ANKFN1: variants seen among roughly 807,000 people sequenced by gnomAD.
ANKFN1 encodes ankyrin repeat and fibronectin type III domain containing 1, also known as ankyrin repeat and fibronectin type-III domain-containing protein 1.
In ANKFN1, 74 loss-of-function variants were observed where a neutral mutation model predicts 108.7. The ratio of observed to expected loss-of-function variants is 0.68; its 90% CI spans 0.56 to 0.83. The LOEUF is 0.83. ANKFN1 is among the 40% of genes least tolerant of loss of function. The probability of loss-of-function intolerance (pLI) is 0.00; values close to 1 mark genes in which losing one functional copy is unlikely to be tolerated. For missense variants in ANKFN1, 1,505 were observed against 1,382.3 expected, an observed-to-expected ratio of 1.09 and a Z score of -1.41; for synonymous variants, 547 against 516.2, an observed-to-expected ratio of 1.06 and a Z score of -0.81.
intron 8 of ANKFN1, among the ~76,000 whole-genome samples, chr17:56,432,678 G>A (rs1015222442): frequency 4.6e-5 from 7 of 152,178 alleles, no homozygotes; most frequent in Admixed American, 3.9e-4. Flanking sequence ...CTGGACTCTT[G>A]TACTGCCCAG....
chr17:56,090,477 G>A (rs2143190821), intron 4 of ANKFN1, among the ~76,000 whole-genome samples: 1 of 151,350 alleles, frequency 6.6e-6, no homozygotes, highest in East Asian at 1.9e-4. Context: ...AAAATTAGGT[G>A]TAGAATTGTC....
intron 20 of ANKFN1, among the ~76,000 whole-genome samples, chr17:56,499,908 A>G (rs2051313682): frequency 6.6e-6 from 1 of 152,198 alleles, no homozygotes; most frequent in South Asian, 2.1e-4. Context: ...TCTTGATTCT[A>G]TAGTTTGCAA....
At chr17:56,509,694 A>T (rs905189377) in intron 20 of ANKFN1, among the ~76,000 whole-genome samples, 2 of 152,232 alleles carry the variant, frequency 1.3e-5, no homozygotes, top group Non-Finnish European at 2.9e-5. Context: ...CAAAACTGAC[A>T]TCTTGCCCTG....
intron 10 of ANKFN1, among the ~76,000 whole-genome samples, chr17:56,445,391 A>G (rs889877661): frequency 6.6e-6 from 1 of 152,258 alleles, no homozygotes; most frequent in Non-Finnish European, 1.5e-5. Flanking sequence ...TGCCATCTCC[A>G]GAATGACCAG....
chr17:56,289,268 G>A (rs1263690068), intron 3 of ANKFN1, among the ~76,000 whole-genome samples: 3 of 152,172 alleles, frequency 2.0e-5, no homozygotes, highest in African/African-American at 7.2e-5. Flanking sequence ...TCACTTTAGA[G>A]TCCTAGAAGT....
At chr17:56,119,663 T>A (rs1906491923) in intron 4 of ANKFN1, among the ~76,000 whole-genome samples, 1 of 152,164 alleles carries the variant, frequency 6.6e-6, no homozygotes, top group Admixed American at 6.6e-5. Flanking sequence ...AAGTAATGAT[T>A]TATGTTCCAA....
intron 9 of ANKFN1, 141 bp from the exon 10 acceptor site, chr17:56,442,702 C>CA: frequency 1.6e-6 from 1 of 615,206 alleles, no homozygotes; most frequent in Non-Finnish European, 2.7e-6. Context: ...TTCTGTTGCC[C>CA]ATGAACTCTG....
intron 4 of ANKFN1, among the ~76,000 whole-genome samples, chr17:56,093,502 A>C (rs545726192): frequency 6.6e-6 from 1 of 151,346 alleles, no homozygotes; most frequent in South Asian, 2.1e-4. Flanking sequence ...TACTAAGCGC[A>C]AAAAACGGCA....
chr17:56,314,901 T>G (rs572438454), intron 3 of ANKFN1, among the ~76,000 whole-genome samples: 1 of 152,298 alleles, frequency 6.6e-6, no homozygotes, highest in East Asian at 1.9e-4. Context: ...CATAATTTTT[T>G]TTAATTAGTC....
At chr17:56,465,590 G>T (rs914653231) in intron 14 of ANKFN1, among the ~76,000 whole-genome samples, 3 of 152,128 alleles carry the variant, frequency 2.0e-5, no homozygotes, top group Admixed American at 6.6e-5. Flanking sequence ...AGCTAGAGGG[G>T]ATTTTATCCT....
chr17:56,218,840 T>C (rs1368106925), intron 2 of ANKFN1, among the ~76,000 whole-genome samples: 1 of 152,260 alleles, frequency 6.6e-6, no homozygotes, highest in Non-Finnish European at 1.5e-5. Flanking sequence ...TGATCTTTGA[T>C]CCAATGTTTC....
Position 56,516,341 on chromosome 17 carries a change from A to G in ANKFN1, c.*5072A>G, listed in dbSNP as rs2051916714. 6.6e-6 allele frequency among the ~76,000 whole-genome samples: 1 copy of G among 152,002 alleles called. No individual in the cohort carries two copies. The highest frequency in any genetic ancestry group is 2.4e-5 in the African/African-American group (1 of 41,344). ...AAAAAGTAATTTAAGTGACATTCTC[A>G]TTTGGCAGTATTTAATTGCTTCCTT... On this transcript the variant is annotated 3_prime_UTR_variant, in exon 21 of 21. Transcript: ENST00000682825.
chr17:56,372,492 C>T (rs570873672), intron 6 of ANKFN1, among the ~76,000 whole-genome samples, 154 bp from the exon 7 acceptor site: 6 of 151,088 alleles, frequency 4.0e-5, no homozygotes, highest in Admixed American at 2.0e-4. Context: ...TAGACCTTAT[C>T]ATAGTAAGAT....
chr17:56,486,597 G>T (rs2050865682), intron 18 of ANKFN1, among the ~76,000 whole-genome samples: 1 of 152,036 alleles, frequency 6.6e-6, no homozygotes, highest in African/African-American at 2.4e-5. Context: ...CTGCTACAGT[G>T]GTCCTAAGCC....
At chr17:56,413,032 A>G (rs2048141653) in intron 8 of ANKFN1, among the ~76,000 whole-genome samples, 1 of 151,826 alleles carries the variant, frequency 6.6e-6, no homozygotes, top group South Asian at 2.1e-4. Context: ...TTCTGCCTTG[A>G]TCTTTGTTAT....
intron 3 of ANKFN1, among the ~76,000 whole-genome samples, chr17:56,246,949 A>C (rs1487356125): frequency 6.6e-6 from 1 of 152,206 alleles, no homozygotes; most frequent in Non-Finnish European, 1.5e-5. Context: ...AGTTCTGTTT[A>C]ATTTTTCTTT....
chr17:56,326,155 T>C, intron 3 of ANKFN1, 66 bp from the exon 4 acceptor site: 1 of 1,525,640 alleles, frequency 6.6e-7, no homozygotes, highest in Non-Finnish European at 8.8e-7. Context: ...ATTAAGAGTA[T>C]CTTCATGATC....
intron 3 of ANKFN1, among the ~76,000 whole-genome samples, chr17:56,311,133 TCTCTCTCTCTCGCTCA>T (rs1351151669): frequency 2.0e-5 from 3 of 150,956 alleles, no homozygotes; most frequent in African/African-American, 7.3e-5. Flanking sequence ...ATAATATTTC[TCTCTCTCTCTCGCTCA>T]CTCTCTCTCT....
chr17:56,392,231 A>G (rs2047461686), intron 8 of ANKFN1, among the ~76,000 whole-genome samples: 1 of 152,220 alleles, frequency 6.6e-6, no homozygotes, highest in Non-Finnish European at 1.5e-5. Flanking sequence ...GGGGCTGAGC[A>G]GGGAGTTGAA....
Sources: gnomAD v4.1 joint callset for allele counts (sites outside exome capture counted in the v4.1 genomes callset) on GRCh38, gnomAD v4.1.1 for gene constraint, MANE v1.5 for transcripts, NCBI Gene and HGNC (gene_info 2026-07-23, HGNC 2026-07-21) for gene names.